Variants in TLL1 observed in about 807,000 individuals in gnomAD.
TLL1 encodes the protein tolloid-like protein 1.
In TLL1, 49 loss-of-function variants were observed where a neutral mutation model predicts 128.2. The observed-to-expected ratio is 0.38, with a 90% confidence interval of 0.30 to 0.48. The LOEUF (loss-of-function observed/expected upper bound fraction) is 0.48. Ranked by LOEUF, TLL1 falls within the 20% of genes least tolerant of loss-of-function variation. The pLI, the probability that TLL1 is intolerant of heterozygous loss-of-function variation, is 0.96. For missense variants in TLL1, 1,123 were observed against 1,242.0 expected, an observed-to-expected ratio of 0.90 and a Z score of 1.44; for synonymous variants, 454 against 418.8, an observed-to-expected ratio of 1.08 and a Z score of -1.03.
At chr4:165,938,780 C>CT (rs11383521) in intron 1 of TLL1, among the ~76,000 whole-genome samples, 7,985 of 141,394 alleles carry the variant, frequency 0.056, 443 homozygotes, top group African/African-American at 0.15. Flanking sequence ...TCCTTAAAAT[C>CT]TTTTTTTTTT....
Position 165,992,870 on chromosome 4 carries a change from G to A in TLL1, c.347G>A (p.Arg116Lys). The change falls in exon 3 of 21, where the codon AGA becomes AAA. Residue 116 changes from arginine to lysine, a missense_variant. This residue lies in a region of TLL1 where 480 missense variants were observed against 542.4 expected (regional missense o/e 0.89). Transcript: ENST00000061240. Reference protein sequence around the residue: ...GALYQLIDRIRRIGFGLEQNN... With the variant: ...GALYQLIDRIKRIGFGLEQNN... The stretch of plus-strand genomic sequence containing the variant: ...CTCTACCAACTTATAGACAGGATAA[G>A]AAGAATTGGCTTTGGTATATCAATG... The A allele has an allele frequency of 6.2e-7, 1 of 1,613,194 alleles. No individual in the cohort carries two copies.
At chr4:165,919,685 C>A in intron 1 of TLL1, 1 of 385,826 alleles carries the variant, frequency 2.6e-6, no homozygotes, top group Non-Finnish European at 5.2e-6. Context: ...ACAGCTTATT[C>A]TAGGCTTTCA....
In TLL1 at chr4:166,001,179, T is replaced by C. The variant is rs552063704; in HGVS notation, c.633-2212T>C. The stretch of plus-strand genomic sequence containing the variant: ...GGCATTTTTCTCTTCCAATTTAATA[T>C]ATCAGAAGAGGCGGTTGGCAATGTC... On this transcript the variant is annotated intron_variant, in intron 5 of 20. Transcript: ENST00000061240. Among the ~76,000 whole-genome samples, 18 of 152,336 alleles carry C rather than the reference T, an allele frequency of 1.2e-4. No homozygotes were observed. In the South Asian group the frequency reaches 2.9e-3, roughly 25 times the overall value.
At chr4:166,057,373 CTCTG>C (rs974832948) in intron 14 of TLL1, 64 bp downstream of exon 14, 3 of 1,577,030 alleles carry the variant, frequency 1.9e-6, no homozygotes, top group East Asian at 2.3e-5. Context: ...TATTCTCATT[CTCTG>C]TCTGTCTTCC....
At chr4:166,083,811 C>T (rs544225601) in intron 18 of TLL1, among the ~76,000 whole-genome samples, 2 of 152,242 alleles carry the variant, frequency 1.3e-5, no homozygotes, top group South Asian at 2.1e-4. Flanking sequence ...AGGTTCATTC[C>T]GTATCTTGGC....
intron 18 of TLL1, among the ~76,000 whole-genome samples, chr4:166,086,443 T>C (rs1309476652): frequency 6.6e-6 from 1 of 152,140 alleles, no homozygotes; most frequent in Non-Finnish European, 1.5e-5. Context: ...CTGTTGCATG[T>C]GACATTGATT....
intron 1 of TLL1, among the ~76,000 whole-genome samples, chr4:165,929,663 AAG>A (rs1185515551): frequency 1.3e-5 from 2 of 152,226 alleles, no homozygotes; most frequent in Non-Finnish European, 2.9e-5. Flanking sequence ...CAGATATAAA[AAG>A]AAGTTTTGTA....
chr4:165,907,030 C>A (rs147559305), intron 1 of TLL1, among the ~76,000 whole-genome samples: 2 of 152,182 alleles, frequency 1.3e-5, no homozygotes, highest in African/African-American at 4.8e-5. Context: ...ACAAAACAGG[C>A]TCAAGAGATT....
intron 1 of TLL1, among the ~76,000 whole-genome samples, chr4:165,960,175 A>C (rs1420304069): frequency 6.6e-6 from 1 of 152,106 alleles, no homozygotes; most frequent in Non-Finnish European, 1.5e-5. Flanking sequence ...CGGATAAACA[A>C]AAAATTCCTC....
intron 7 of TLL1, 82 bp from the exon 8 acceptor site, chr4:166,014,354 G>A: frequency 6.3e-7 from 1 of 1,598,970 alleles, no homozygotes; most frequent in Non-Finnish European, 8.6e-7. Flanking sequence ...ACTTGAGTTT[G>A]AAATAAATAC....
In TLL1 at chr4:165,974,906, T is replaced by G. The variant is rs138218631; in HGVS notation, c.170-14475T>G. On this transcript the variant is annotated intron_variant, in intron 1 of 20. Transcript: ENST00000061240. ...AGGCAGACCCTGTGATAGAGATTAT[T>G]ATGTCGGGAGTTCTCAGGGACAGTT... Among the ~76,000 whole-genome samples the G allele has an allele frequency of 4.2e-3, 642 of 152,224 alleles. 6 individuals are homozygous for G. The highest frequency in any genetic ancestry group is 0.014 in the African/African-American group (585 of 41,524).
intron 18 of TLL1, among the ~76,000 whole-genome samples, chr4:166,086,900 G>C (rs977942646): frequency 6.6e-6 from 1 of 152,108 alleles, no homozygotes; most frequent in Non-Finnish European, 1.5e-5. Flanking sequence ...TTATGCGTGT[G>C]TGTGTTTATT....
At chr4:165,996,875 T>C (rs1736906403) in intron 5 of TLL1, among the ~76,000 whole-genome samples, 1 of 150,212 alleles carries the variant, frequency 6.7e-6, no homozygotes, top group Non-Finnish European at 1.5e-5. Flanking sequence ...ATGTGATATG[T>C]ATATATTAAT....
In TLL1 at chr4:166,102,370, G is replaced by T. The variant is rs1742328641; in HGVS notation, c.*1494G>T. 1 of 152,352 alleles carries T rather than the reference G, an allele frequency of 6.6e-6. No individual in the cohort carries two copies. The highest frequency in any genetic ancestry group is 2.1e-4 in the South Asian group (1 of 4,824). The allele number at this position is 152,352 out of a possible 1,614,324, so 9.4% of individuals were successfully genotyped here. A position where few individuals can be genotyped will look rare whatever the true frequency, so the allele number is the denominator to read the frequency against. ...TGTGTTTTTAAAATTAATGAATGTA[G>T]ATGTGTGATTGTCTGAGTGAGTGAA... On this transcript the variant is annotated 3_prime_UTR_variant, in exon 21 of 21. Coordinates refer to ENST00000061240, the MANE Select transcript of TLL1 (RefSeq NM_012464.5).
chr4:165,952,958 C>T (rs1015697371), intron 1 of TLL1, among the ~76,000 whole-genome samples: 2 of 152,228 alleles, frequency 1.3e-5, no homozygotes, highest in East Asian at 1.9e-4. Flanking sequence ...CAATTTCCAA[C>T]GTCACTTGTG....
At chr4:166,005,964 T>A (rs1737407162) in intron 6 of TLL1, among the ~76,000 whole-genome samples, 1 of 151,664 alleles carries the variant, frequency 6.6e-6, no homozygotes, top group Non-Finnish European at 1.5e-5. Context: ...CAGAAAAAAA[T>A]CTATTGGGTG....
chr4:165,949,526 C>A (rs985425085), intron 1 of TLL1, among the ~76,000 whole-genome samples: 1 of 152,016 alleles, frequency 6.6e-6, no homozygotes, highest in Non-Finnish European at 1.5e-5. Context: ...TGTATTAGTC[C>A]GTTTTCATGC....
chr4:165,964,606 T>C (rs1302543117), intron 1 of TLL1, among the ~76,000 whole-genome samples: 2 of 152,180 alleles, frequency 1.3e-5, no homozygotes, highest in Non-Finnish European at 2.9e-5. Flanking sequence ...GGTTGTTGTA[T>C]GAGTATTCAA....
intron 10 of TLL1, 93 bp from the exon 11 acceptor site, chr4:166,041,934 C>T (rs946519382): frequency 2.6e-5 from 22 of 842,528 alleles, no homozygotes; most frequent in African/African-American, 3.4e-5. Flanking sequence ...TGAACCAAAT[C>T]GGTGTTTACA....
Sources: allele counts gnomAD v4.1 joint callset (sites outside exome capture counted in the v4.1 genomes callset), GRCh38; gene constraint gnomAD v4.1.1; regional missense constraint gnomAD v4.1.1; transcripts MANE v1.5; gene names NCBI Gene and HGNC (gene_info 2026-07-23, HGNC 2026-07-21).